Variants in ERBB4 observed in about 807,000 individuals in gnomAD.
ERBB4 encodes receptor tyrosine-protein kinase erbB-4.
A neutral mutation model predicts 158.0 loss-of-function variants in ERBB4; 42 were observed. The observed-to-expected ratio is 0.27, with a 90% CI of 0.21 to 0.34. The LOEUF is 0.34. Among genes scored for constraint, ERBB4 ranks in the 10% least tolerant of loss-of-function variants. ERBB4 has a pLI of 1.00. For synonymous variants in ERBB4, 583 were observed against 558.7 expected (o/e 1.04, Z -0.61); for missense variants, 1,333 against 1,624.1 (o/e 0.82, Z 3.08).
At chr2:212,201,501 A>G (rs1467241259) in intron 1 of ERBB4, among the ~76,000 whole-genome samples, 2 of 152,038 alleles carry the variant, frequency 1.3e-5, no homozygotes, top group Non-Finnish European at 2.9e-5. Context: ...TAATCGATAA[A>G]TATTTTCAGA....
At chr2:212,420,805 T>A (rs1232065767) in intron 1 of ERBB4, among the ~76,000 whole-genome samples, 2 of 152,120 alleles carry the variant, frequency 1.3e-5, no homozygotes, top group East Asian at 3.8e-4. Flanking sequence ...TGGCTGTCTT[T>A]CCAGACAAAT....
Position 212,072,307 on chromosome 2 carries a change from C to G in ERBB4, c.234+52445G>C, listed in dbSNP as rs907696698. Among the ~76,000 whole-genome samples the G allele has an allele frequency of 5.3e-5, 8 of 151,892 alleles. 1 individual carries two copies. In the South Asian group the frequency reaches 1.7e-3, roughly 31 times the overall value. On this transcript the variant is annotated intron_variant, in intron 2 of 27. Coordinates refer to ENST00000342788, the MANE Select transcript of ERBB4 (RefSeq NM_005235.3). ...CAAATCTTCAGCTAATTCATTGAAA[C>G]AGTCCAACTCATCCTACTTTAGATA... is the stretch of plus-strand genomic sequence containing the variant.
At chr2:212,271,782 C>T (rs1486092724) in intron 1 of ERBB4, among the ~76,000 whole-genome samples, 2 of 151,672 alleles carry the variant, frequency 1.3e-5, no homozygotes, top group African/African-American at 2.4e-5. Context: ...GTAATAATAC[C>T]CCAGGAAGTT....
chr2:211,583,535 A>G (rs554801659), intron 19 of ERBB4, among the ~76,000 whole-genome samples: 2 of 151,696 alleles, frequency 1.3e-5, no homozygotes, highest in East Asian at 3.9e-4. Context: ...TTACTTTTTA[A>G]ATTTTTTGAT....
At chr2:211,763,915 A>ACACACACACAAAT (rs1553627666) in intron 4 of ERBB4, among the ~76,000 whole-genome samples, 1 of 36,210 alleles carries the variant, frequency 2.8e-5, no homozygotes, top group African/African-American at 1.1e-4. Flanking sequence ...CACACACACA[A>ACACACACACAAAT]ATATATGTAT....
chr2:211,655,304 A>T (rs2071169205), intron 16 of ERBB4, among the ~76,000 whole-genome samples: 2 of 152,156 alleles, frequency 1.3e-5, no homozygotes, highest in African/African-American at 4.8e-5. Flanking sequence ...CCCGGGAAGC[A>T]CGTTCTCTCA....
chr2:211,814,785 T>A (rs889099011), intron 3 of ERBB4, among the ~76,000 whole-genome samples: 3 of 152,194 alleles, frequency 2.0e-5, no homozygotes, highest in Admixed American at 6.5e-5. Context: ...AAAATCAATC[T>A]GAAAGTTTCT....
intron 2 of ERBB4, among the ~76,000 whole-genome samples, chr2:211,989,160 T>C (rs1226865001): frequency 6.6e-6 from 1 of 152,012 alleles, no homozygotes; most frequent in African/African-American, 2.4e-5. Flanking sequence ...CCAGATGACC[T>C]ACTTTGATTA....
chr2:212,260,578 C>T (rs751029144), intron 1 of ERBB4, among the ~76,000 whole-genome samples: 7 of 151,964 alleles, frequency 4.6e-5, no homozygotes, highest in Admixed American at 1.3e-4. Context: ...TTTGGGAGGC[C>T]GAGGCGGGCA....
chr2:212,533,281 A>G (rs923024124), intron 1 of ERBB4, among the ~76,000 whole-genome samples: 7 of 152,224 alleles, frequency 4.6e-5, no homozygotes, highest in Admixed American at 3.9e-4. Context: ...TTTAGATTAC[A>G]TCTATAAAAA....
At chr2:212,491,616 A>C (rs1047925082) in intron 1 of ERBB4, among the ~76,000 whole-genome samples, 1 of 151,556 alleles carries the variant, frequency 6.6e-6, no homozygotes, top group Non-Finnish European at 1.5e-5. Context: ...GTATACGGAG[A>C]AATAGATTAC....
intron 1 of ERBB4, among the ~76,000 whole-genome samples, chr2:212,371,853 A>G (rs1414056990): frequency 6.6e-6 from 1 of 152,190 alleles, no homozygotes; most frequent in Non-Finnish European, 1.5e-5. Context: ...AAAAAGCATG[A>G]AAGTGATGAA....
intron 16 of ERBB4, among the ~76,000 whole-genome samples, chr2:211,631,425 T>G (rs1389276478): frequency 1.3e-5 from 2 of 152,116 alleles, no homozygotes; most frequent in African/African-American, 4.8e-5. Context: ...TTAGAATCAA[T>G]AGTGTGTCTC....
At chr2:212,416,797 T>A in intron 1 of ERBB4, among the ~76,000 whole-genome samples, 1 of 152,062 alleles carries the variant, frequency 6.6e-6, no homozygotes, top group East Asian at 1.9e-4. Flanking sequence ...CCTTTATCTT[T>A]CACTTATTGG....
intron 1 of ERBB4, among the ~76,000 whole-genome samples, chr2:212,440,040 T>A (rs2092221700): frequency 6.6e-6 from 1 of 152,228 alleles, no homozygotes. Context: ...GGAGGATTTG[T>A]GTGCAACACA....
intron 1 of ERBB4, among the ~76,000 whole-genome samples, chr2:212,258,813 A>G (rs1278745020): frequency 5.3e-5 from 8 of 151,868 alleles, no homozygotes; most frequent in Non-Finnish European, 1.2e-4. Context: ...ATGAGTTGGC[A>G]TATATGATTT....
At chr2:211,501,533 T>C (rs2065616210) in intron 20 of ERBB4, among the ~76,000 whole-genome samples, 1 of 151,706 alleles carries the variant, frequency 6.6e-6, no homozygotes, top group Non-Finnish European at 1.5e-5. Flanking sequence ...TTTGATTTGC[T>C]TGTGTGTTTT....
At chr2:212,059,504 A>T (rs2077691735) in intron 2 of ERBB4, among the ~76,000 whole-genome samples, 1 of 152,232 alleles carries the variant, frequency 6.6e-6, no homozygotes, top group Admixed American at 6.5e-5. Context: ...AAGCCAAAAG[A>T]ACAAAGCTGG....
At chr2:211,955,591 T>C (rs748487587) in intron 2 of ERBB4, among the ~76,000 whole-genome samples, 5 of 152,110 alleles carry the variant, frequency 3.3e-5, no homozygotes, top group Non-Finnish European at 7.3e-5. Flanking sequence ...ACCTAATTAG[T>C]ATATAAACAA....
Sources: allele counts gnomAD v4.1 joint callset (sites outside exome capture counted in the v4.1 genomes callset), GRCh38; gene constraint gnomAD v4.1.1; transcripts MANE v1.5; gene names NCBI Gene and HGNC (gene_info 2026-07-23, HGNC 2026-07-21).